Variants in NAV2 observed in about 807,000 individuals in gnomAD.
The protein encoded by NAV2 is helicase, APC down-regulated 1.
A neutral mutation model predicts 223.2 loss-of-function variants in NAV2; 54 were observed. The ratio of observed to expected loss-of-function variants is 0.24; its 90% CI spans 0.19 to 0.30. The LOEUF is 0.30. Ranked by LOEUF, NAV2 falls within the 10% of genes least tolerant of loss-of-function variation. The pLI, the probability that NAV2 is intolerant of heterozygous loss-of-function variation, is 1.00. For missense variants in NAV2, 2,806 were observed against 3,147.5 expected, an observed-to-expected ratio of 0.89 and a Z score of 2.60; for synonymous variants, 1,279 against 1,239.3, an observed-to-expected ratio of 1.03 and a Z score of -0.67.
chr11:20,073,566 G>A (rs2059537720), intron 22 of NAV2, among the ~76,000 whole-genome samples: 2 of 152,006 alleles, frequency 1.3e-5, no homozygotes, highest in Admixed American at 1.3e-4. Context: ...ATCTAGTTCT[G>A]GACTTTTTTT....
At chr11:19,795,102 G>A (rs1053234519) in intron 1 of NAV2, among the ~76,000 whole-genome samples, 2 of 152,180 alleles carry the variant, frequency 1.3e-5, no homozygotes, top group African/African-American at 2.4e-5. Flanking sequence ...CACAGTCTGC[G>A]CAAGGCTATT....
chr11:19,612,032 C>T (rs765020985), intron 1 of NAV2, among the ~76,000 whole-genome samples: 2 of 152,236 alleles, frequency 1.3e-5, no homozygotes, highest in Non-Finnish European at 2.9e-5. Flanking sequence ...GTTCCCAAAC[C>T]TCAATTATTG....
intron 1 of NAV2, among the ~76,000 whole-genome samples, chr11:19,445,168 A>C (rs1435089968): frequency 6.6e-6 from 1 of 152,222 alleles, no homozygotes; most frequent in African/African-American, 2.4e-5. Flanking sequence ...CACAGGTGCA[A>C]AACAGACAGT....
chr11:19,777,100 C>G lies in NAV2; in HGVS notation c.268-55384C>G, dbSNP rs113091872. Among the ~76,000 whole-genome samples the G allele has an allele frequency of 7.1e-3, 1,064 of 150,754 alleles. 13 individuals are homozygous for G. Among genetic ancestry groups the G allele is most frequent in the African/African-American group, 0.022 (921 of 41,424 alleles). ...GGAACTCACCAGCCGCCGACCCCCC[C>G]CCCCACCCCGCCCTCGGCCGCCGCG... On this transcript the variant is annotated intron_variant, in intron 1 of 37. Transcript: ENST00000349880.
intron 1 of NAV2, among the ~76,000 whole-genome samples, chr11:19,792,467 T>A (rs1473471417): frequency 6.6e-6 from 1 of 152,168 alleles, no homozygotes; most frequent in African/African-American, 2.4e-5. Flanking sequence ...TCTGAGCCCA[T>A]TGAAGATCCG....
rs376485015 is a variant in NAV2 at position 19,785,694 on chromosome 11, C to T, written c.268-46790C>T. ...ATTGCAGTAGTAAATGTTCTGTCCA[C>T]GGAGTAATGTCTGGCCACTGTATGG... On this transcript the variant is annotated intron_variant, in intron 1 of 37. Coordinates refer to ENST00000349880, the MANE Select transcript of NAV2 (RefSeq NM_145117.5). Among the ~76,000 whole-genome samples, 7 of 149,746 alleles carry T rather than the reference C, an allele frequency of 4.7e-5. No individual in the cohort carries two copies. In the South Asian group the frequency reaches 8.4e-4, roughly 18 times the overall value.
At chr11:19,491,574 G>A (rs1365926755) in intron 1 of NAV2, among the ~76,000 whole-genome samples, 3 of 152,130 alleles carry the variant, frequency 2.0e-5, no homozygotes, top group East Asian at 3.9e-4. Flanking sequence ...GATTTAGGTC[G>A]TGTCTCTAAA....
intron 1 of NAV2, chr11:19,777,702 GA>G: frequency 2.5e-6 from 1 of 398,736 alleles, no homozygotes; most frequent in Non-Finnish European, 5.1e-6. Context: ...TTTAAACCAG[GA>G]AAGTCGATGT....
chr11:19,639,968 A>T (rs1193302451), intron 1 of NAV2, among the ~76,000 whole-genome samples: 1 of 152,186 alleles, frequency 6.6e-6, no homozygotes, highest in Non-Finnish European at 1.5e-5. Flanking sequence ...GGAAGATGGG[A>T]AGGAGACTAA....
intron 1 of NAV2, among the ~76,000 whole-genome samples, chr11:19,791,482 A>G (rs1198426816): frequency 1.3e-5 from 2 of 152,198 alleles, no homozygotes; most frequent in Admixed American, 6.5e-5. Flanking sequence ...GCTGTGCCTG[A>G]GAGCTGTTCA....
chr11:19,632,950 G>T (rs547092652), intron 1 of NAV2, among the ~76,000 whole-genome samples: 3 of 152,316 alleles, frequency 2.0e-5, no homozygotes, highest in African/African-American at 7.2e-5. Flanking sequence ...CAAAGAGTTT[G>T]TCACTTTCCA....
rs2896591 is a variant in NAV2, at chr11:19,998,712, T to C, written c.2768+14465T>C. On this transcript the variant is annotated intron_variant, in intron 11 of 37. Coordinates refer to ENST00000349880, the MANE Select transcript of NAV2 (RefSeq NM_145117.5). This position sits in a 1 kb window ranked among gnomAD's most constrained non-coding sequence, Gnocchi z 5.0. ...TCTGCATAGACTGTGCTTCCCCCCCTCTCTCCTTTTCTCCTTATAAGCCTG... is the reference window on the plus strand; with the variant it reads ...TCTGCATAGACTGTGCTTCCCCCCCCCTCTCCTTTTCTCCTTATAAGCCTG... Among the ~76,000 whole-genome samples the C allele has an allele frequency of 0.052, 7,890 of 151,082 alleles. 310 individuals carry two copies. Among genetic ancestry groups the C allele is most frequent in the Non-Finnish European group, 0.066 (4,477 of 67,658 alleles).
intron 1 of NAV2, among the ~76,000 whole-genome samples, chr11:19,498,065 G>A (rs2042854368): frequency 6.6e-6 from 1 of 152,212 alleles, no homozygotes. Context: ...ATGCACTTAG[G>A]AAGTGATAGA....
At chr11:19,876,426 G>A (rs2153075335) in intron 4 of NAV2, among the ~76,000 whole-genome samples, 1 of 152,314 alleles carries the variant, frequency 6.6e-6, no homozygotes, top group East Asian at 1.9e-4. Flanking sequence ...GAGGCTCAGA[G>A]AGATTGAATC....
chr11:19,900,237 C>T (rs547270343), intron 6 of NAV2, among the ~76,000 whole-genome samples: 1 of 124,660 alleles, frequency 8.0e-6, no homozygotes, highest in South Asian at 2.6e-4. Context: ...GGATTAGATG[C>T]TGCCAAATTT....
chr11:19,705,408 A>C (rs6483614), intron 1 of NAV2, among the ~76,000 whole-genome samples: 1 of 152,090 alleles, frequency 6.6e-6, no homozygotes, highest in African/African-American at 2.4e-5. Context: ...TTTTTCCTGG[A>C]CCCAGCTCCT....
At position 20,103,423 on chromosome 11, in the gene NAV2, C is replaced by T; in HGVS notation, c.6572+14C>T. On this transcript the variant is annotated intron_variant, in intron 33 of 37. Transcript: ENST00000349880. ...GTACCACAAATGGTAAAGGCTGGTT[C>T]TGGACCTCATAGCCCCCCGGGAGAG... 1 of 1,610,946 alleles carries T rather than the reference C, an allele frequency of 6.2e-7. No individual in the cohort carries two copies. The highest frequency in any genetic ancestry group is 1.1e-5 in the South Asian group (1 of 90,404).
chr11:20,069,083 AAG>A (rs2059230364), intron 22 of NAV2, among the ~76,000 whole-genome samples: 1 of 152,080 alleles, frequency 6.6e-6, no homozygotes, highest in African/African-American at 2.4e-5. Context: ...GGGGATGAAA[AAG>A]GGGACAGCTC....
intron 10 of NAV2, among the ~76,000 whole-genome samples, chr11:19,977,174 T>C (rs933830049): frequency 2.0e-5 from 3 of 152,254 alleles, no homozygotes; most frequent in African/African-American, 7.2e-5. Flanking sequence ...GCCAAAGATG[T>C]GTGGGTCTGT....
Sources: allele counts gnomAD v4.1 joint callset (sites outside exome capture counted in the v4.1 genomes callset), GRCh38; gene constraint gnomAD v4.1.1; non-coding constraint Gnocchi (gnomAD v3.1); transcripts MANE v1.5; gene names NCBI Gene and HGNC (gene_info 2026-07-23, HGNC 2026-07-21).